SETD3: variants seen among roughly 807,000 people sequenced by gnomAD.
SETD3 encodes SET domain containing 3, actin N3(tau)-histidine methyltransferase.
SETD3 carries 19 observed loss-of-function variants against 63.0 expected under a neutral mutation model. The observed-to-expected ratio is 0.30, with a 90% CI of 0.21 to 0.44. The LOEUF is 0.44. SETD3 is among the 20% of genes least tolerant of loss of function. The pLI, the probability that SETD3 is intolerant of heterozygous loss-of-function variation, is 1.00. For synonymous variants in SETD3, 286 were observed against 264.1 expected, an observed-to-expected ratio of 1.08 and a Z score of -0.80; for missense variants, 587 against 728.5, an observed-to-expected ratio of 0.81 and a Z score of 2.24.
intron 6 of SETD3, among the ~76,000 whole-genome samples, chr14:99,433,895 C>T (rs965320808): frequency 1.2e-4 from 18 of 152,090 alleles, no homozygotes; most frequent in Non-Finnish European, 5.9e-5. Context: ...ATCAGAATAT[C>T]GCAAAAAACC....
chr14:99,465,793 T>G lies in SETD3; in HGVS notation c.13A>C (p.Ser5Arg), dbSNP rs749196339. The G allele has an allele frequency of 1.2e-6, 2 of 1,613,550 alleles. No individual in the cohort carries two copies. Among genetic ancestry groups the G allele is most frequent in the Non-Finnish European group, 1.7e-6 (2 of 1,179,534 alleles). The stretch of plus-strand genomic sequence containing the variant: ...CCAGATTTCTGAGTTTTTACTCGAC[T>G]CTTCTTACCCATTTTTCTGACTACA... MGKK[S>R]RVKTQKSGTG... is the part of the protein sequence containing the mutation. The change falls in exon 2 of 13, where the codon AGT becomes CGT. Residue 5 changes from serine to arginine, a missense_variant. Physicochemically the swap from Ser to Arg is moderately radical, Grantham distance 110. Transcript: ENST00000331768.
Position 99,458,671 on chromosome 14 carries a change from C to T in SETD3, c.419-136G>A, listed in dbSNP as rs939306989. The T allele has an allele frequency of 1.0e-5, 11 of 1,093,906 alleles. No individual in the cohort carries two copies. In the Admixed American group the frequency reaches 1.4e-4, roughly 14 times the overall value. The allele number at this position is 1,093,906 out of a possible 1,614,324, so 67.8% of individuals were successfully genotyped here. On this transcript the variant is annotated intron_variant, in intron 5 of 12. Coordinates refer to ENST00000331768, the MANE Select transcript of SETD3 (RefSeq NM_032233.3). The stretch of plus-strand genomic sequence containing the variant: ...GTCAGGTACAGGCTGGGCGCAGTGG[C>T]TCACACCTGTAATCCTAGCACTTTG...
intron 2 of SETD3, among the ~76,000 whole-genome samples, chr14:99,465,037 G>C (rs952808607): frequency 1.3e-5 from 2 of 152,214 alleles, no homozygotes; most frequent in African/African-American, 4.8e-5. Context: ...TCAGGAGAAT[G>C]AAGTGGGAAG....
intron 6 of SETD3, among the ~76,000 whole-genome samples, chr14:99,438,749 C>A (rs531695433): frequency 5.3e-5 from 8 of 152,170 alleles, no homozygotes; most frequent in African/African-American, 9.7e-5. Context: ...TGACCATGTG[C>A]CCCTACAGGA....
chr14:99,458,591 T>C, intron 5 of SETD3, 56 bp from the exon 6 acceptor site: 1 of 1,566,476 alleles, frequency 6.4e-7, no homozygotes, highest in East Asian at 2.2e-5. Flanking sequence ...AAAAACTTCA[T>C]TTAAATATAC....
chr14:99,468,349 C>T (rs1396818545), intron 1 of SETD3, among the ~76,000 whole-genome samples: 4 of 152,100 alleles, frequency 2.6e-5, no homozygotes, highest in East Asian at 1.9e-4. Context: ...CATCTCCCTG[C>T]CCAAGCCTGT....
At chr14:99,422,380 T>C (rs1411374847) in intron 6 of SETD3, among the ~76,000 whole-genome samples, 1 of 152,234 alleles carries the variant, frequency 6.6e-6, no homozygotes, top group Admixed American at 6.5e-5. Context: ...ATCAAGTTAT[T>C]ATACTAGCAT....
chr14:99,410,072 G>A (rs574360839), intron 8 of SETD3: 63 of 737,562 alleles, frequency 8.5e-5, no homozygotes, highest in East Asian at 6.5e-4. Context: ...GCAGGAGGGC[G>A]GATGAGCTGG....
chr14:99,483,138 G>C (rs1896396372), upstream of SETD3, among the ~76,000 whole-genome samples: 1 of 152,262 alleles, frequency 6.6e-6, no homozygotes. Flanking sequence ...GATGGCTCTT[G>C]GCTACTAGGA....
chr14:99,445,427 T>G (rs186117925), intron 6 of SETD3, among the ~76,000 whole-genome samples: 1 of 152,370 alleles, frequency 6.6e-6, no homozygotes, highest in African/African-American at 2.4e-5. Context: ...CACACTGGGC[T>G]GCTGAGAGGT....
intron 6 of SETD3, among the ~76,000 whole-genome samples, chr14:99,452,063 C>T (rs1326279768): frequency 6.6e-6 from 1 of 152,210 alleles, no homozygotes; most frequent in African/African-American, 2.4e-5. Context: ...CCCTACCATA[C>T]ACACGAGTTA....
intron 11 of SETD3, among the ~76,000 whole-genome samples, chr14:99,401,155 A>T (rs1162494845): frequency 3.3e-5 from 5 of 152,106 alleles, no homozygotes; most frequent in Non-Finnish European, 7.4e-5. Flanking sequence ...AAAAAAAAAA[A>T]ATTCTCAGTT....
intron 8 of SETD3, among the ~76,000 whole-genome samples, chr14:99,408,023 T>A (rs1208062719): frequency 6.6e-6 from 1 of 152,230 alleles, no homozygotes; most frequent in Admixed American, 6.5e-5. Flanking sequence ...CGATGGTCAC[T>A]GATTACTTTT....
intron 6 of SETD3, among the ~76,000 whole-genome samples, chr14:99,414,504 A>G (rs1431867502): frequency 2.0e-5 from 3 of 152,266 alleles, no homozygotes; most frequent in African/African-American, 7.2e-5. Context: ...ACGGAAAATC[A>G]GGAGAAGTGC....
chr14:99,467,945 A>G (rs1895485798), intron 1 of SETD3, among the ~76,000 whole-genome samples: 1 of 152,040 alleles, frequency 6.6e-6, no homozygotes, highest in South Asian at 2.1e-4. Context: ...GGAGCTCAGT[A>G]TTTACCCTCT....
intron 6 of SETD3, among the ~76,000 whole-genome samples, chr14:99,419,386 C>T (rs1421763629): frequency 6.6e-6 from 1 of 152,114 alleles, no homozygotes; most frequent in Non-Finnish European, 1.5e-5. Context: ...GATGGAAGAA[C>T]TTTTTCTCCC....
At chr14:99,409,911 A>G in intron 8 of SETD3, 2 of 292,434 alleles carry the variant, frequency 6.8e-6, no homozygotes, top group East Asian at 1.2e-4. Flanking sequence ...ACAGCGATAT[A>G]GCAATGAGCA....
At chr14:99,432,243 C>T (rs375519692) in intron 6 of SETD3, among the ~76,000 whole-genome samples, 1 of 152,108 alleles carries the variant, frequency 6.6e-6, no homozygotes, top group Non-Finnish European at 1.5e-5. Flanking sequence ...GCAAAGAACC[C>T]GTAAGAGTCC....
At chr14:99,448,594 A>C (rs1184750433) in intron 6 of SETD3, among the ~76,000 whole-genome samples, 1 of 152,128 alleles carries the variant, frequency 6.6e-6, no homozygotes, top group African/African-American at 2.4e-5. Flanking sequence ...GCAAGGATTA[A>C]ATCTAGATTC....
Sources: gnomAD v4.1 joint callset for allele counts (sites outside exome capture counted in the v4.1 genomes callset) on GRCh38, gnomAD v4.1.1 for gene constraint, MANE v1.5 for transcripts, NCBI Gene and HGNC (gene_info 2026-07-23, HGNC 2026-07-21) for gene names.